Variants in RUFY4 observed in about 807,000 individuals in gnomAD.
The protein encoded by RUFY4 is RUN and FYVE domain-containing protein 4.
Under a neutral mutation model 69.0 loss-of-function variants are expected in RUFY4, and 73 were observed. That is an observed-to-expected ratio of 1.06 (90% CI 0.88 to 1.29). The LOEUF (loss-of-function observed/expected upper bound fraction) is 1.29, where lower values mean the gene tolerates loss of function less well. Ranked by LOEUF, RUFY4 falls within the 50% of genes most tolerant of loss-of-function variation. RUFY4 has a pLI of 0.00. For synonymous variants in RUFY4, 287 were observed against 271.8 expected (o/e 1.06, Z -0.55); for missense variants, 770 against 705.6 (o/e 1.09, Z -1.03).
rs773901973 is a variant in RUFY4, at chr2:218,073,889, C to G, written c.600+4C>G. On this transcript the variant is annotated splice_donor_region_variant and intron_variant, in intron 6 of 10. Transcript: ENST00000344321. ...AAACAAAGATGCCCCAAAGAAGGTG[C>G]CTCTGCCCTGCCTTCACTCTGAGTT... 5 of 1,613,836 alleles carry G rather than the reference C, an allele frequency of 3.1e-6. No individual in the cohort carries two copies. In the Admixed American group the frequency reaches 8.3e-5, roughly 27 times the overall value.
exon 1 of RUFY4, chr2:218,070,545 C>T (rs946416025): frequency 4.1e-6 from 6 of 1,448,164 alleles, no homozygotes; most frequent in South Asian, 1.2e-5. Flanking sequence ...GCAGTGAGGC[C>T]GAAAGTCCTT....
chr2:218,038,845 G>A (rs138220648), intron 2 of RUFY4, among the ~76,000 whole-genome samples: 1 of 152,266 alleles, frequency 6.6e-6, no homozygotes, highest in East Asian at 1.9e-4. Flanking sequence ...GGAAAGAAAA[G>A]GGAGAGAGGG....
chr2:218,073,747 C>A, intron 5 of RUFY4, 69 bp from the exon 8 acceptor site: 1 of 1,526,490 alleles, frequency 6.6e-7, no homozygotes. Flanking sequence ...AGATGGGATA[C>A]CCTCCATCTG....
chr2:218,035,196 GGA>G (rs1958955061), intron 1 of RUFY4: 1 of 152,272 alleles, frequency 6.6e-6, no homozygotes, highest in Non-Finnish European at 1.5e-5. Flanking sequence ...TGAGTAGCAG[GGA>G]GACCCCTGGA....
At chr2:218,060,963 C>T (rs767598853) in intron 3 of RUFY4, 42 of 826,808 alleles carry the variant, frequency 5.1e-5, no homozygotes, top group Middle Eastern at 2.2e-4. Flanking sequence ...GGTCAGTGTG[C>T]GTGTGGCATG....
At chr2:218,070,621 G>A in exon 1 of RUFY4, 2 of 1,537,588 alleles carry the variant, frequency 1.3e-6, no homozygotes, top group Non-Finnish European at 8.7e-7. Context: ...AGAAGAGGGA[G>A]CCATCCTCAA....
intron 2 of RUFY4, among the ~76,000 whole-genome samples, chr2:218,037,209 A>G (rs1194658638): frequency 6.6e-6 from 1 of 152,052 alleles, no homozygotes; most frequent in African/African-American, 2.4e-5. Context: ...AACCTCAGCT[A>G]CTTGGGAGGC....
At chr2:218,089,107 T>C in intron 9 of RUFY4, 145 bp from the exon 12 acceptor site, 1 of 645,304 alleles carries the variant, frequency 1.5e-6, no homozygotes, top group Non-Finnish European at 2.7e-6. Context: ...GTCCATGTGA[T>C]TCCCTCCATC....
chr2:218,078,486 G>GA (rs1298071038), intron 8 of RUFY4, among the ~76,000 whole-genome samples: 1 of 152,172 alleles, frequency 6.6e-6, no homozygotes, highest in Non-Finnish European at 1.5e-5. Context: ...GAGGATGTGG[G>GA]AAAAGGTCAG....
intron 2 of RUFY4, among the ~76,000 whole-genome samples, chr2:218,050,138 G>T (rs1179519670): frequency 6.6e-6 from 1 of 152,190 alleles, no homozygotes; most frequent in South Asian, 2.1e-4. Context: ...GGACCAGTCA[G>T]CAAGTATTCC....
At position 218,089,372 on chromosome 2, in the gene RUFY4, A is replaced by G. The variant is rs755128383; in HGVS notation, c.1613+10A>G. 2 of 1,610,242 alleles carry G rather than the reference A, an allele frequency of 1.2e-6. No individual in the cohort carries two copies. The highest frequency in any genetic ancestry group is 2.7e-5 in the African/African-American group (2 of 74,830). On this transcript the variant is annotated intron_variant, in intron 10 of 10. Transcript: ENST00000344321. ...GGCGGTATCCATGCAGGTAAAGGGA[A>G]GGGCACAGAATCCTCCCTCTGGGAC...
upstream of RUFY4, among the ~76,000 whole-genome samples, chr2:218,067,754 G>A (rs1265655673): frequency 2.0e-5 from 3 of 152,054 alleles, no homozygotes; most frequent in South Asian, 2.1e-4. Flanking sequence ...CCTCCTTCTC[G>A]CCTTGATCAT....
At chr2:218,089,263 G>C in exon 10 of RUFY4, 2 of 1,613,530 alleles carry the variant, frequency 1.2e-6, no homozygotes, top group Non-Finnish European at 1.7e-6. Flanking sequence ...GAGAAGGACC[G>C]CCTGTGGCAG....
Position 218,083,271 on chromosome 2 carries a change from A to C in RUFY4, c.1502+15A>C, listed in dbSNP as rs766086085. 2 of 1,573,388 alleles carry C rather than the reference A, an allele frequency of 1.3e-6. No individual in the cohort carries two copies. Among genetic ancestry groups the C allele is most frequent in the South Asian group, 2.3e-5 (2 of 86,148 alleles). On this transcript the variant is annotated intron_variant, in intron 9 of 10. Transcript: ENST00000344321. ...GAACTGATCCAGTAAGGACGGGGAC[A>C]GTGGGAAAGGGGAAACAGATGGGGG...
At chr2:218,064,770 G>T (rs1689284256), upstream of RUFY4, among the ~76,000 whole-genome samples, 1 of 151,602 alleles carries the variant, frequency 6.6e-6, no homozygotes, top group Non-Finnish European at 1.5e-5. Context: ...AAAGACCCTG[G>T]CACCCTAGTT....
intron 2 of RUFY4, among the ~76,000 whole-genome samples, chr2:218,051,166 T>C (rs1688934101): frequency 6.6e-6 from 1 of 152,198 alleles, no homozygotes; most frequent in East Asian, 1.9e-4. Context: ...GAGCCATTTC[T>C]AAATAAGATA....
chr2:218,059,283 T>A (rs1689130103), intron 3 of RUFY4: 2 of 153,618 alleles, frequency 1.3e-5, no homozygotes, highest in African/African-American at 4.8e-5. Context: ...ACATAAAATT[T>A]TACCATTTTA....
At chr2:218,075,705 G>A (rs759113250) in exon 7 of RUFY4, 1 of 1,457,010 alleles carries the variant, frequency 6.9e-7, no homozygotes, top group Non-Finnish European at 9.1e-7. Context: ...CAGAAGGGAG[G>A]AGCAAGCCGA....
chr2:218,044,588 C>A (rs544789722), intron 2 of RUFY4, among the ~76,000 whole-genome samples: 1 of 152,186 alleles, frequency 6.6e-6, no homozygotes, highest in African/African-American at 2.4e-5. Context: ...TTTCTTTCTC[C>A]TCCCACCCTC....
Sources: allele counts gnomAD v4.1 joint callset (sites outside exome capture counted in the v4.1 genomes callset), GRCh38; gene constraint gnomAD v4.1.1; transcripts MANE v1.5; gene names NCBI Gene and HGNC (gene_info 2026-07-23, HGNC 2026-07-21).